Variants in DOCK4 observed in about 807,000 individuals in gnomAD.
DOCK4 encodes dedicator of cytokinesis 4, also known as dedicator of cytokinesis protein 4.
Under a neutral mutation model 268.1 loss-of-function variants are expected in DOCK4, and 97 were observed. The ratio of observed to expected loss-of-function variants is 0.36; its 90% confidence interval spans 0.31 to 0.43. The LOEUF (loss-of-function observed/expected upper bound fraction) is 0.43. DOCK4 is among the 20% of genes least tolerant of loss of function. DOCK4 has a pLI of 1.00. For synonymous variants in DOCK4, 954 were observed against 887.2 expected, an observed-to-expected ratio of 1.08 and a Z score of -1.34; for missense variants, 2,145 against 2,455.7, an observed-to-expected ratio of 0.87 and a Z score of 2.67.
intron 1 of DOCK4, among the ~76,000 whole-genome samples, chr7:112,082,359 C>T (rs909287715): frequency 3.3e-5 from 5 of 151,926 alleles, no homozygotes; most frequent in Admixed American, 3.3e-4. Context: ...TAGCAGCAAG[C>T]CAGGTAGGAA....
Position 111,902,460 on chromosome 7 carries a change from G to A in DOCK4, c.1193-659C>T, listed in dbSNP as rs542798750. Among the ~76,000 whole-genome samples, 7 of 152,168 alleles carry A rather than the reference G, an allele frequency of 4.6e-5. No individual in the cohort carries two copies. In the East Asian group the frequency reaches 1.4e-3, roughly 29 times the overall value. On this transcript the variant is annotated intron_variant, in intron 13 of 52. Coordinates refer to ENST00000428084, the MANE Select transcript of DOCK4 (RefSeq NM_001363540.2). ...TATACTGTCGATTTTTTCTCTACTG[G>A]TGATTTATAAAACTTGAGTTTTTAA...
chr7:111,810,676 A>T (rs765360581), intron 28 of DOCK4, among the ~76,000 whole-genome samples: 9 of 151,932 alleles, frequency 5.9e-5, no homozygotes, highest in Non-Finnish European at 1.2e-4. Context: ...TTCACTCAAC[A>T]ATTCCACTAA....
chr7:111,972,385 C>T (rs957302204), intron 8 of DOCK4, among the ~76,000 whole-genome samples: 2 of 151,854 alleles, frequency 1.3e-5, no homozygotes, highest in African/African-American at 4.8e-5. Flanking sequence ...GTCTTGGCTT[C>T]CTCATCTGTA....
At chr7:112,125,748 C>G (rs1004244816) in intron 1 of DOCK4, among the ~76,000 whole-genome samples, 2 of 152,146 alleles carry the variant, frequency 1.3e-5, no homozygotes, top group East Asian at 3.8e-4. Context: ...TCATACTTAA[C>G]AAGCATGGCA....
chr7:111,931,067 G>A (rs968247954), intron 12 of DOCK4, among the ~76,000 whole-genome samples: 6 of 152,294 alleles, frequency 3.9e-5, no homozygotes, highest in Non-Finnish European at 8.8e-5. Context: ...GATGCAGGCT[G>A]CGTGGGCCTG....
chr7:112,035,041 G>A (rs908388568), intron 1 of DOCK4, among the ~76,000 whole-genome samples: 1 of 152,162 alleles, frequency 6.6e-6, no homozygotes, highest in East Asian at 1.9e-4. Flanking sequence ...CTGGACACAC[G>A]GAGATGGTCA....
chr7:112,005,179 G>C (rs1320529270), intron 1 of DOCK4, among the ~76,000 whole-genome samples: 3 of 152,178 alleles, frequency 2.0e-5, no homozygotes, highest in Admixed American at 6.5e-5. Context: ...TTTTGCTTCA[G>C]AGTGAGATTT....
At chr7:111,976,223 CGTGT>C (rs1353783071) in intron 8 of DOCK4, among the ~76,000 whole-genome samples, 1 of 48,006 alleles carries the variant, frequency 2.1e-5, no homozygotes, top group Non-Finnish European at 3.9e-5. Flanking sequence ...TGTGTGTGTG[CGTGT>C]GTGTGTATAT....
chr7:112,128,770 A>G (rs1163830131), intron 1 of DOCK4, among the ~76,000 whole-genome samples: 3 of 151,922 alleles, frequency 2.0e-5, no homozygotes, highest in Non-Finnish European at 4.4e-5. Context: ...CAGGGACACA[A>G]ACACTGCGGA....
intron 12 of DOCK4, among the ~76,000 whole-genome samples, chr7:111,930,906 C>T (rs932256282): frequency 2.0e-5 from 3 of 152,148 alleles, no homozygotes; most frequent in African/African-American, 7.2e-5. Context: ...ATAAGTTTTG[C>T]TTTTCTTTAA....
intron 1 of DOCK4, among the ~76,000 whole-genome samples, chr7:112,176,983 G>A (rs551559759): frequency 6.6e-6 from 1 of 152,232 alleles, no homozygotes; most frequent in East Asian, 1.9e-4. Context: ...TAGGTTACAA[G>A]GATAATGAGG....
intron 4 of DOCK4, among the ~76,000 whole-genome samples, chr7:111,998,009 A>T (rs986188526): frequency 6.6e-6 from 1 of 152,252 alleles, no homozygotes; most frequent in Non-Finnish European, 1.5e-5. Flanking sequence ...TGGCTTTGTG[A>T]AGTGGTCACA....
chr7:112,200,697 G>A (rs891846476), intron 1 of DOCK4, among the ~76,000 whole-genome samples: 5 of 125,472 alleles, frequency 4.0e-5, no homozygotes, highest in Admixed American at 2.0e-4. Flanking sequence ...AATCTCCCTC[G>A]TACTAGCTAC....
At chr7:111,918,680 A>G (rs934800223) in intron 12 of DOCK4, among the ~76,000 whole-genome samples, 19 of 152,278 alleles carry the variant, frequency 1.2e-4, no homozygotes, top group African/African-American at 4.1e-4. Context: ...TGCCTTCAAA[A>G]TACTCACCCA....
At chr7:112,012,013 T>C (rs1801368831) in intron 1 of DOCK4, among the ~76,000 whole-genome samples, 1 of 151,792 alleles carries the variant, frequency 6.6e-6, no homozygotes, top group Non-Finnish European at 1.5e-5. Context: ...TTTCATTTGC[T>C]AGCCCACGAT....
chr7:112,073,900 G>C (rs1001861817), intron 1 of DOCK4, among the ~76,000 whole-genome samples: 1 of 152,070 alleles, frequency 6.6e-6, no homozygotes, highest in African/African-American at 2.4e-5. Context: ...CAGAAAACTA[G>C]AAGATTTTAA....
intron 1 of DOCK4, among the ~76,000 whole-genome samples, chr7:112,090,038 A>T (rs77097287): frequency 0.065 from 9,868 of 152,212 alleles, 1,064 homozygotes; most frequent in African/African-American, 0.22. Flanking sequence ...GAATCACAAA[A>T]TATTCTTAAG....
chr7:111,816,673 T>C (rs1801580758), intron 27 of DOCK4, among the ~76,000 whole-genome samples: 1 of 152,178 alleles, frequency 6.6e-6, no homozygotes. Flanking sequence ...TTTTTACCAC[T>C]GCATCCACAG....
At chr7:112,001,929 C>G (rs940073058) in intron 2 of DOCK4, among the ~76,000 whole-genome samples, 13 of 152,042 alleles carry the variant, frequency 8.6e-5, no homozygotes, top group African/African-American at 3.1e-4. Context: ...CCTTACATGT[C>G]TTTTTATAGT....
Sources: allele counts gnomAD v4.1 joint callset (sites outside exome capture counted in the v4.1 genomes callset), GRCh38; gene constraint gnomAD v4.1.1; transcripts MANE v1.5; gene names NCBI Gene and HGNC (gene_info 2026-07-23, HGNC 2026-07-21).